Variants in SCRN2 observed in about 807,000 individuals in gnomAD.
SCRN2 encodes secernin 2, also known as secernin-2.
SCRN2 carries 30 observed loss-of-function variants against 40.1 expected under a neutral mutation model. That is an observed-to-expected ratio of 0.75 (90% CI 0.56 to 1.01). The LOEUF is 1.01. Among genes scored for constraint, SCRN2 ranks in the 50% least tolerant of loss-of-function variants. SCRN2 has a pLI of 0.00. For missense variants in SCRN2, 526 were observed against 564.9 expected, an observed-to-expected ratio of 0.93 and a Z score of 0.70; for synonymous variants, 240 against 233.5, an observed-to-expected ratio of 1.03 and a Z score of -0.25.
At chr17:47,839,880 A>T (rs55647527) in intron 3 of SCRN2, 7,111 of 602,074 alleles carry the variant, frequency 0.012, 63 homozygotes, top group Non-Finnish European at 0.016. Context: ...TTTCAGAGAG[A>T]GAAGTGTCCT....
rs2143615384 is a variant in SCRN2 at position 47,837,707 on chromosome 17, T to G, written c.*137A>C. 1 of 1,072,864 alleles carries G rather than the reference T, an allele frequency of 9.3e-7. No individual in the cohort carries two copies. Among genetic ancestry groups the G allele is most frequent in the Non-Finnish European group, 1.3e-6 (1 of 787,470 alleles). 66.5% of individuals were successfully genotyped at this position (1,072,864 alleles called of 1,614,324 possible). On this transcript the variant is annotated 3_prime_UTR_variant, in exon 8 of 8. Coordinates refer to ENST00000290216, the MANE Select transcript of SCRN2 (RefSeq NM_138355.4). ...TCACTGAAGAGAAAATAAAGCACATTTATTAAGGCAAAGGCCAAGCTGGCC... is the reference window on the plus strand; with the variant it reads ...TCACTGAAGAGAAAATAAAGCACATGTATTAAGGCAAAGGCCAAGCTGGCC...
In SCRN2 at chr17:47,840,357, C is replaced by T. The variant is rs1342782500; in HGVS notation, c.190G>A (p.Val64Met). The change falls in exon 3 of 8, where the codon GTG (valine) becomes ATG (methionine). Residue 64 changes from valine (V) to methionine (M), a missense_variant. By Grantham distance (21) the Val-to-Met change is conservative. Coordinates refer to ENST00000290216, the MANE Select transcript of SCRN2 (RefSeq NM_138355.4). ...GCGTGCGTCTTCGACACCTGTTCCA[C>T]TTCAATGTAGGTGCACTGGAGGTGA... The part of the protein sequence containing the change: ...GSRLQCTYIE[V>M]EQVSKTHAVI... 2 of 1,614,004 alleles carry T rather than the reference C, an allele frequency of 1.2e-6. No homozygotes were observed. The highest frequency in any genetic ancestry group is 1.7e-6 in the Non-Finnish European group (2 of 1,180,028).
chr17:47,840,978 G>A (rs1308945942), intron 1 of SCRN2, 135 bp from the exon 2 acceptor site: 5 of 809,124 alleles, frequency 6.2e-6, no homozygotes, highest in Non-Finnish European at 8.7e-6. Context: ...CACCATGGAC[G>A]GGTGTGCGGG....
chr17:47,840,008 G>A, intron 3 of SCRN2, 183 bp downstream of exon 3: 1 of 605,754 alleles, frequency 1.7e-6, no homozygotes, highest in Non-Finnish European at 2.9e-6. Context: ...TCTATTTCTG[G>A]GCCAGGAGAG....
chr17:47,841,185 C>A (rs1220743383), intron 1 of SCRN2, 23 bp downstream of exon 1: 4 of 218,634 alleles, frequency 1.8e-5, no homozygotes, highest in Non-Finnish European at 3.6e-5. Context: ...CTTCTCTCAC[C>A]CCCAGTACTG....
rs1210796579 is a variant in SCRN2, at chr17:47,838,898, C to T, written c.665G>A (p.Gly222Asp). 10 of 1,613,828 alleles carry T rather than the reference C, an allele frequency of 6.2e-6. No homozygotes were observed. Residue 222 changes from glycine to aspartate, a missense_variant, in exon 5 of 8, where the codon GGT (glycine) becomes GAT (aspartate). Coordinates refer to ENST00000290216, the MANE Select transcript of SCRN2 (RefSeq NM_138355.4). Reference protein sequence around the residue: ...AQAKGWWDGQGAFDFAQIFSL... With the variant: ...AQAKGWWDGQDAFDFAQIFSL... ...GAAGATCTGAGCAAAGTCAAAGGCA[C>T]CCTGCCCATCCCACCAGCCCTTGGC...
chr17:47,838,077 C>T, intron 7 of SCRN2, 75 bp from the exon 8 acceptor site: 2 of 1,566,120 alleles, frequency 1.3e-6, no homozygotes, highest in Non-Finnish European at 1.7e-6. Context: ...CTGTGTACCA[C>T]CTCACACAAG....
chr17:47,838,312 G>A lies in SCRN2; in HGVS notation c.1077C>T (p.Tyr359=). ...QTQVDRRHTL[Y]RGHQAALGLM... The stretch of plus-strand genomic sequence containing the variant: ...GCCCCAGGGCTGCCTGGTGTCCACG[G>A]TAGAGGGTATGCCGACGATCTACCT... The change falls in exon 7 of 8, where the codon TAC becomes TAT. Residue 359 remains tyrosine, a synonymous_variant. Coordinates refer to ENST00000290216, the MANE Select transcript of SCRN2 (RefSeq NM_138355.4). The A allele has an allele frequency of 1.2e-6, 2 of 1,610,286 alleles. No homozygotes were observed. Among genetic ancestry groups the A allele is most frequent in the Non-Finnish European group, 8.5e-7 (1 of 1,178,580 alleles).
Position 47,837,734 on chromosome 17 carries a change from C to T in SCRN2, c.*110G>A, listed in dbSNP as rs1219149077. The T allele has an allele frequency of 1.5e-6, 2 of 1,322,948 alleles. No individual in the cohort carries two copies. The highest frequency in any genetic ancestry group is 2.7e-5 in the East Asian group (1 of 37,184). The allele number at this position is 1,322,948 out of a possible 1,614,324, so 82.0% of individuals were successfully genotyped here. A position where few individuals can be genotyped will look rare whatever the true frequency, so the allele number is the denominator to read the frequency against. On this transcript the variant is annotated 3_prime_UTR_variant, in exon 8 of 8. Coordinates refer to ENST00000290216, the MANE Select transcript of SCRN2 (RefSeq NM_138355.4). ...ATTAAGGCAAAGGCCAAGCTGGCCG[C>T]TCAGAACATGGCCAAGGAGCGTGAA...
At chr17:47,841,034 G>A (rs1015540877) in intron 1 of SCRN2, 174 bp downstream of exon 1, 14 of 453,802 alleles carry the variant, frequency 3.1e-5, no homozygotes, top group African/African-American at 2.8e-4. Flanking sequence ...TTGGGAGTCC[G>A]CAGGCGGGCA....
Position 47,839,565 on chromosome 17 carries a change from C to T in SCRN2, c.435G>A (p.Gly145=), listed in dbSNP as rs760780555. ...GCGCAGCATCCTCCAGGCAGTTGCCCCCCTGCCCATAGTGCTCCAGTAACC... is the reference window on the plus strand; with the variant it reads ...GCGCAGCATCCTCCAGGCAGTTGCCTCCCTGCCCATAGTGCTCCAGTAACC... ...ITGLLEHYGQ[G]GNCLEDAAPF... is the part of the protein sequence containing the mutation. The change falls in exon 4 of 8, where the codon GGG becomes GGA. Residue 145 remains glycine (G), a synonymous_variant. Coordinates refer to ENST00000290216, the MANE Select transcript of SCRN2 (RefSeq NM_138355.4). The T allele has an allele frequency of 9.3e-6, 15 of 1,614,062 alleles. No homozygotes were observed. The highest frequency in any genetic ancestry group is 6.6e-5 in the South Asian group (6 of 91,082).
rs1298649496 is a variant in SCRN2, at chr17:47,838,005, G to A, written c.1120-3C>T. 1.2e-6 allele frequency: 2 copies of A among 1,604,978 alleles called. No individual in the cohort carries two copies. Among genetic ancestry groups the A allele is most frequent in the Non-Finnish European group, 1.7e-6 (2 of 1,179,362 alleles). On this transcript the variant is annotated splice_polypyrimidine_tract_variant and splice_region_variant and intron_variant, in intron 7 of 7. Transcript: ENST00000290216. The stretch of plus-strand genomic sequence containing the variant: ...TGCTGGAGCTGCTGCCCCCGATCCT[G>A]CCCCAAGGGAAAGCTGAGATGAGTC...
In SCRN2 at chr17:47,840,227, C is replaced by T; in HGVS notation, c.320G>A (p.Gly107Glu). The change falls in exon 3 of 8, where the codon GGG becomes GAG. Residue 107 changes from glycine to glutamate, a missense_variant. Transcript: ENST00000290216. ...NEAVWTKEPV[G>E]EGEALLGMDL... The stretch of plus-strand genomic sequence containing the variant: ...CATGCCCAGCAGGGCTTCCCCCTCC[C>T]CAACTGGCTCCTTCGTCCACACAGC... The T allele has an allele frequency of 6.2e-7, 1 of 1,614,000 alleles. No homozygotes were observed. The highest frequency in any genetic ancestry group is 8.5e-7 in the Non-Finnish European group (1 of 1,180,016).
chr17:47,837,814 T>A lies in SCRN2; in HGVS notation c.*30A>T, dbSNP rs372040893. 1.3e-6 allele frequency: 2 copies of A among 1,569,636 alleles called. No individual in the cohort carries two copies. The highest frequency in any genetic ancestry group is 1.4e-5 in the African/African-American group (1 of 73,074). On this transcript the variant is annotated 3_prime_UTR_variant, in exon 8 of 8. Coordinates refer to ENST00000290216, the MANE Select transcript of SCRN2 (RefSeq NM_138355.4). ...GCACCCAGGCCCCAGGGGTCCTGGGTCCACCCCAGGCCAGCAGAAGCTATG... is the reference window on the plus strand; with the variant it reads ...GCACCCAGGCCCCAGGGGTCCTGGGACCACCCCAGGCCAGCAGAAGCTATG...
chr17:47,837,772 CTT>C lies in SCRN2; in HGVS notation c.*70_*71del. ...CAAGGAGCGTGAAGGGATTGCTCCACTTTACCACCACTCAGGGCACCCAGGCC... is the reference window on the plus strand; with the variant it reads ...CAAGGAGCGTGAAGGGATTGCTCCACTACCACCACTCAGGGCACCCAGGCC... On this transcript the variant is annotated 3_prime_UTR_variant, in exon 8 of 8. Coordinates refer to ENST00000290216, the MANE Select transcript of SCRN2 (RefSeq NM_138355.4). 6.6e-7 allele frequency: 1 copy of C among 1,504,682 alleles called. No homozygotes were observed. The highest frequency in any genetic ancestry group is 1.9e-4 in the Middle Eastern group (1 of 5,156). The allele number at this position is 1,504,682 out of a possible 1,614,324, so 93.2% of individuals were successfully genotyped here.
chr17:47,840,458 C>T (rs940128196), intron 2 of SCRN2, 86 bp from the exon 3 acceptor site: 1 of 1,452,484 alleles, frequency 6.9e-7, no homozygotes, highest in African/African-American at 1.4e-5. Flanking sequence ...CCTTATAGAT[C>T]CCTTTGAGGA....
chr17:47,840,603 GGAA>G, intron 2 of SCRN2, 64 bp downstream of exon 2: 8 of 1,496,336 alleles, frequency 5.3e-6, no homozygotes, highest in Non-Finnish European at 7.2e-6. Context: ...TGGGGAGCAG[GGAA>G]GAAGGTCTTA....
chr17:47,838,849 G>A lies in SCRN2; in HGVS notation c.714C>T (p.Arg238=), dbSNP rs781065302. 4.3e-6 allele frequency: 7 copies of A among 1,613,530 alleles called. No homozygotes were observed. In the Admixed American group the frequency reaches 5.0e-5, roughly 12 times the overall value. The change falls in exon 5 of 8, where the codon CGC becomes CGT. Residue 238 remains arginine, a synonymous_variant. Coordinates refer to ENST00000290216, the MANE Select transcript of SCRN2 (RefSeq NM_138355.4). The part of the protein sequence containing the change: ...QIFSLTQQPV[R]MEAAKARFQA... ...GGAAGCGGGCCTTGGCAGCCTCCAT[G>A]CGCACAGGCTGCTGGGTCAGGGAGA...
At position 47,838,597 on chromosome 17, in the gene SCRN2, G is replaced by A. The variant is rs757696646; in HGVS notation, c.872C>T (p.Ser291Phe). ...CTGCGTGGGATCCTGGGGCAGGACA[G>A]ACACCATGCTGGCCGTGGTGCGAAA... ...GGFRTTASMV[S>F]VLPQDPTQPC... Residue 291 changes from serine to phenylalanine, a missense_variant, in exon 6 of 8, where the codon TCT becomes TTT. Transcript: ENST00000290216. 1.2e-6 allele frequency: 2 copies of A among 1,614,106 alleles called. No homozygotes were observed. The highest frequency in any genetic ancestry group is 1.7e-6 in the Non-Finnish European group (2 of 1,180,020).
Sources: gnomAD v4.1 joint callset for allele counts on GRCh38, gnomAD v4.1.1 for gene constraint, MANE v1.5 for transcripts, NCBI Gene and HGNC (gene_info 2026-07-23, HGNC 2026-07-21) for gene names.